The following MAEA variants were observed in gnomAD, a reference collection of about 807,000 sequenced individuals.
The protein encoded by MAEA is macrophage erythroblast attacher, E3 ubiquitin ligase, also known as E3 ubiquitin-protein transferase MAEA.
A neutral mutation model predicts 46.2 loss-of-function variants in MAEA; 22 were observed. The ratio of observed to expected loss-of-function variants is 0.48; its 90% CI spans 0.34 to 0.68. The LOEUF is 0.68. MAEA is among the 30% of genes least tolerant of loss of function. MAEA has a pLI of 0.01. For missense variants in MAEA, 393 were observed against 558.1 expected, an observed-to-expected ratio of 0.70 and a Z score of 2.98; for synonymous variants, 246 against 222.6, an observed-to-expected ratio of 1.11 and a Z score of -0.94.
chr4:1,329,434 G>A (rs1301689104), intron 5 of MAEA: 4 of 985,310 alleles, frequency 4.1e-6, no homozygotes, highest in East Asian at 1.1e-4. Context: ...CTGCGGCCTC[G>A]TCTGTTGCAG....
At chr4:1,334,218 G>T (rs1448022191) in intron 6 of MAEA, among the ~76,000 whole-genome samples, 2 of 132,074 alleles carry the variant, frequency 1.5e-5, no homozygotes, top group African/African-American at 5.7e-5. Flanking sequence ...TGGAAAAGGG[G>T]GAAGCAGATA....
chr4:1,335,306 A>G (rs1560391919), intron 6 of MAEA: 4 of 985,368 alleles, frequency 4.1e-6, no homozygotes, highest in Non-Finnish European at 4.8e-6. Context: ...GTGTGAGTCT[A>G]TTTTTTGTCA....
intron 4 of MAEA, 25 bp downstream of exon 4, chr4:1,322,528 G>T: frequency 1.9e-6 from 3 of 1,612,632 alleles, no homozygotes; most frequent in Non-Finnish European, 2.5e-6. Context: ...AGGTTGGGGT[G>T]GGAGTGGGTC....
chr4:1,293,626 C>A (rs1283452185), intron 1 of MAEA, among the ~76,000 whole-genome samples: 2 of 152,226 alleles, frequency 1.3e-5, no homozygotes, highest in African/African-American at 4.8e-5. Flanking sequence ...CCCACCTGGG[C>A]CCACCTCTCC....
chr4:1,291,359 G>A (rs977260252), intron 1 of MAEA, among the ~76,000 whole-genome samples: 1 of 152,170 alleles, frequency 6.6e-6, no homozygotes, highest in Admixed American at 6.5e-5. Flanking sequence ...TTTGATCAAG[G>A]AAGGGAGGGC....
intron 6 of MAEA, among the ~76,000 whole-genome samples, chr4:1,334,257 C>T (rs938749548): frequency 8.8e-5 from 13 of 147,742 alleles, no homozygotes; most frequent in African/African-American, 3.0e-4. Flanking sequence ...AGTTTGTTCT[C>T]TGAGCCTGGC....
intron 4 of MAEA, among the ~76,000 whole-genome samples, chr4:1,326,478 C>T (rs1022797752): frequency 3.9e-5 from 6 of 152,160 alleles, no homozygotes; most frequent in African/African-American, 1.2e-4. Flanking sequence ...TCAATGTTGC[C>T]GCTGCCCCCA....
In MAEA at chr4:1,340,006, A is replaced by G. The variant is rs1348300546; in HGVS notation, c.*837A>G. ...AAGTACTGATGACTTTTCAAAACAA[A>G]TGAACCACCGTAGCTGACAGAGAAC... On this transcript the variant is annotated 3_prime_UTR_variant, in exon 9 of 9. Coordinates refer to ENST00000303400, the MANE Select transcript of MAEA (RefSeq NM_001017405.3). 1 of 152,672 alleles carries G rather than the reference A, an allele frequency of 6.5e-6. No individual in the cohort carries two copies. The highest frequency in any genetic ancestry group is 1.9e-4 in the East Asian group (1 of 5,198). The allele number at this position is 152,672 out of a possible 1,614,324, so 9.5% of individuals were successfully genotyped here.
chr4:1,333,611 C>A (rs1225239962), intron 6 of MAEA, among the ~76,000 whole-genome samples: 1 of 152,074 alleles, frequency 6.6e-6, no homozygotes, highest in Admixed American at 6.5e-5. Flanking sequence ...TCAGACCTGG[C>A]CCCAACCCAG....
chr4:1,329,213 C>A lies in MAEA; in HGVS notation c.656+1510C>A, dbSNP rs1019558589. On this transcript the variant is annotated intron_variant, in intron 5 of 8. Coordinates refer to ENST00000303400, the MANE Select transcript of MAEA (RefSeq NM_001017405.3). ...CTGTTGACCTGTTACCCCCACTCCGCATAGGGTCTATTTGCCTGTGTTACC... is the reference window on the plus strand; with the variant it reads ...CTGTTGACCTGTTACCCCCACTCCGAATAGGGTCTATTTGCCTGTGTTACC... 14 of 985,696 alleles carry A rather than the reference C, an allele frequency of 1.4e-5. No homozygotes were observed. In the African/African-American group the frequency reaches 2.3e-4, roughly 16 times the overall value. The allele number at this position is 985,696 out of a possible 1,614,324, so 61.1% of individuals were successfully genotyped here.
chr4:1,328,889 A>G (rs1015682332), intron 5 of MAEA: 3 of 1,016,240 alleles, frequency 3.0e-6, no homozygotes, highest in African/African-American at 3.4e-5. Context: ...TGAGAGGGCT[A>G]AAGCGGGGAT....
chr4:1,334,365 C>T (rs1712466509), intron 6 of MAEA, among the ~76,000 whole-genome samples: 1 of 103,948 alleles, frequency 9.6e-6, no homozygotes, highest in Admixed American at 1.1e-4. Flanking sequence ...CTGCTGCCTT[C>T]TGAAAGCTGC....
At chr4:1,334,138 A>G (rs138338009) in intron 6 of MAEA, among the ~76,000 whole-genome samples, 1,887 of 17,006 alleles carry the variant, frequency 0.11, 551 homozygotes, top group Non-Finnish European at 0.16. Context: ...CATGCCCACC[A>G]TGTGCTCACC....
intron 2 of MAEA, among the ~76,000 whole-genome samples, chr4:1,314,512 C>T (rs1052051185): frequency 2.0e-5 from 3 of 152,030 alleles, no homozygotes; most frequent in African/African-American, 2.4e-5. Flanking sequence ...AAAGTGGCTG[C>T]GAGAGTAAAG....
At position 1,315,399 on chromosome 4, in the gene MAEA, G is replaced by T. The variant is rs139294232; in HGVS notation, c.255G>T (p.Ala85=). The T allele has an allele frequency of 2.5e-6, 4 of 1,613,682 alleles. No individual in the cohort carries two copies. The highest frequency in any genetic ancestry group is 3.4e-6 in the Non-Finnish European group (4 of 1,179,968). Residue 85 remains alanine, a splice_region_variant and synonymous_variant, in exon 3 of 9, where the codon GCG becomes GCT. Coordinates refer to ENST00000303400, the MANE Select transcript of MAEA (RefSeq NM_001017405.3). ...TGCCTCTGTTGTGTGTGGCTCAGGC[G>T]GTGGAATCCATCCAGGCCGAGGACG... The part of the protein sequence containing the change: ...VEKLSVLKRK[A]VESIQAEDES...
chr4:1,308,672 T>G (rs1388678994), intron 1 of MAEA, among the ~76,000 whole-genome samples: 1 of 152,268 alleles, frequency 6.6e-6, no homozygotes, highest in African/African-American at 2.4e-5. Flanking sequence ...GTTGGTCGTG[T>G]GGAGCATCTT....
At chr4:1,322,979 G>A (rs1157306150) in intron 4 of MAEA, among the ~76,000 whole-genome samples, 2 of 130,550 alleles carry the variant, frequency 1.5e-5, no homozygotes, top group African/African-American at 2.9e-5. Flanking sequence ...TTTTTGAGAC[G>A]GAGTCTCGCT....
intron 1 of MAEA, among the ~76,000 whole-genome samples, chr4:1,297,217 G>A (rs908765562): frequency 2.7e-4 from 41 of 152,236 alleles, no homozygotes; most frequent in African/African-American, 8.7e-4. Context: ...AGTGACAGCC[G>A]AGAACTCGGA....
intron 3 of MAEA, among the ~76,000 whole-genome samples, chr4:1,322,028 G>C (rs1284384051): frequency 1.3e-5 from 2 of 152,184 alleles, no homozygotes; most frequent in Non-Finnish European, 2.9e-5. Context: ...TAGATGTGCT[G>C]GGGGGCTGTG....
Sources: allele counts gnomAD v4.1 joint callset (sites outside exome capture counted in the v4.1 genomes callset), GRCh38; gene constraint gnomAD v4.1.1; transcripts MANE v1.5; gene names NCBI Gene and HGNC (gene_info 2026-07-23, HGNC 2026-07-21).